The following VAV2 variants were observed in gnomAD, a reference collection of about 807,000 sequenced individuals.
VAV2 encodes the protein vav guanine nucleotide exchange factor 2, also known as guanine nucleotide exchange factor VAV2.
Under a neutral mutation model 132.5 loss-of-function variants are expected in VAV2, and 67 were observed. The observed-to-expected ratio is 0.51, with a 90% CI of 0.42 to 0.62. The LOEUF (loss-of-function observed/expected upper bound fraction) is 0.62, where lower values mean the gene tolerates loss of function less well. Among genes scored for constraint, VAV2 ranks in the 20% least tolerant of loss-of-function variants. The pLI, the probability that VAV2 is intolerant of heterozygous loss-of-function variation, is 0.00. For missense variants in VAV2, 938 were observed against 1,153.6 expected (o/e 0.81, Z 2.71); for synonymous variants, 492 against 443.5 (o/e 1.11, Z -1.37).
intron 3 of VAV2, among the ~76,000 whole-genome samples, chr9:133,837,712 T>TTA (rs1836526506): frequency 8.0e-6 from 1 of 124,668 alleles, no homozygotes; most frequent in African/African-American, 2.8e-5. Context: ...AAAAATAAAT[T>TTA]AAAAAAAAAA....
chr9:133,941,146 G>T (rs962455064), intron 1 of VAV2, among the ~76,000 whole-genome samples: 2 of 152,128 alleles, frequency 1.3e-5, no homozygotes, highest in East Asian at 1.9e-4. Flanking sequence ...AGCAGCTCAC[G>T]CCTGTAATCC....
intron 2 of VAV2, among the ~76,000 whole-genome samples, chr9:133,872,476 C>T (rs1838095222): frequency 1.3e-5 from 2 of 152,220 alleles, no homozygotes; most frequent in Admixed American, 1.3e-4. Context: ...CCCAGCTGCC[C>T]CAACCAGCAT....
intron 2 of VAV2, among the ~76,000 whole-genome samples, chr9:133,907,209 C>T (rs1354675397): frequency 1.3e-5 from 2 of 152,352 alleles, no homozygotes; most frequent in Middle Eastern, 3.4e-3. Flanking sequence ...GCGGCCCCAG[C>T]ACCTCAAATT....
chr9:133,801,764 G>A (rs1179535648), intron 9 of VAV2, among the ~76,000 whole-genome samples: 1 of 152,204 alleles, frequency 6.6e-6, no homozygotes, highest in Non-Finnish European at 1.5e-5. Flanking sequence ...CTCAGAAAAG[G>A]ACACAGAGAC....
intron 1 of VAV2, among the ~76,000 whole-genome samples, chr9:133,965,239 G>A (rs1271460566): frequency 2.6e-5 from 4 of 151,768 alleles, no homozygotes; most frequent in East Asian, 3.9e-4. Context: ...TCTAATCACC[G>A]CACATTGGGA....
At chr9:133,780,873 C>A (rs913800422) in intron 19 of VAV2, among the ~76,000 whole-genome samples, 163 bp from the exon 20 acceptor site, 3 of 152,222 alleles carry the variant, frequency 2.0e-5, no homozygotes, top group Non-Finnish European at 4.4e-5. Context: ...ACACACAGGT[C>A]CGAGCTCATG....
rs1838606117 is a variant in VAV2 at position 133,884,089 on chromosome 9, T to C, written c.322-22657A>G. Among the ~76,000 whole-genome samples the C allele has an allele frequency of 6.6e-6, 1 of 151,366 alleles. No individual in the cohort carries two copies. Among genetic ancestry groups the C allele is most frequent in the Non-Finnish European group, 1.5e-5 (1 of 67,856 alleles). On this transcript the variant is annotated intron_variant, in intron 2 of 29. Transcript: ENST00000371850. The surrounding 1 kb of genome is among the most constrained non-coding windows in gnomAD (Gnocchi z 5.3). ...GGCGGAGGTTGCAGCGAGGCGGAGG[T>C]TGCAGTGAGCTGAGATTGCGCCACT...
chr9:133,989,339 C>CA lies in VAV2; in HGVS notation c.204+2735dup, dbSNP rs34368097. Among the ~76,000 whole-genome samples the CA allele has an allele frequency of 1.7e-3, 186 of 107,200 alleles. 1 individual carries two copies. The highest frequency in any genetic ancestry group is 1.9e-3 in the African/African-American group (53 of 27,372). The allele number at this position is 107,200 out of a possible 152,430, so 70.3% of individuals were successfully genotyped here. On this transcript the variant is annotated intron_variant, in intron 1 of 29. Transcript: ENST00000371850. ...GGGCAACAAGAGCAAAACTCCATCT[C>CA]AAAAAAAAAAAAAAACAAAAAATAC...
At chr9:133,980,405 G>T (rs765910048) in intron 1 of VAV2, among the ~76,000 whole-genome samples, 1 of 152,186 alleles carries the variant, frequency 6.6e-6, no homozygotes, top group African/African-American at 2.4e-5. Flanking sequence ...CCAGTGCTGG[G>T]CGGTCCTGAA....
intron 1 of VAV2, among the ~76,000 whole-genome samples, chr9:133,981,411 G>A (rs537269798): frequency 2.0e-5 from 3 of 152,332 alleles, no homozygotes; most frequent in Admixed American, 6.5e-5. Flanking sequence ...GTAGTGAGGC[G>A]GCAGTCTCAG....
At chr9:133,807,583 G>A (rs1835200495) in intron 7 of VAV2, among the ~76,000 whole-genome samples, 1 of 152,232 alleles carries the variant, frequency 6.6e-6, no homozygotes, top group Non-Finnish European at 1.5e-5. Flanking sequence ...TCACACACAG[G>A]GTGGACTTGG....
In VAV2 at chr9:133,806,094, C is replaced by A. The variant is rs768260214; in HGVS notation, c.823G>T (p.Asp275Tyr). The change falls in exon 9 of 30, where the codon GAT becomes TAT. Residue 275 changes from aspartate (D) to tyrosine (Y), a missense_variant. Physicochemically the swap from Asp to Tyr is radical, Grantham distance 160. Coordinates refer to ENST00000371850, the MANE Select transcript of VAV2 (RefSeq NM_001134398.2). ...GCAGCCACTCACCTTTCCTTGAAAT[C>A]GAGGAAGACCTTGGCCAGCGTGCTG... ...GGSTLAKVFL[D>Y]FKERLLIYGE... is the part of the protein sequence containing the mutation. The A allele has an allele frequency of 6.2e-7, 1 of 1,612,786 alleles. No individual in the cohort carries two copies. Among genetic ancestry groups the A allele is most frequent in the Non-Finnish European group, 8.5e-7 (1 of 1,179,882 alleles).
chr9:133,922,248 C>A (rs755095349), intron 2 of VAV2, among the ~76,000 whole-genome samples: 1 of 152,262 alleles, frequency 6.6e-6, no homozygotes, highest in Non-Finnish European at 1.5e-5. Context: ...CTGGCTCTGT[C>A]ATAGCCGTGA....
At chr9:133,818,027 G>A (rs1015028497) in intron 4 of VAV2, among the ~76,000 whole-genome samples, 7 of 152,172 alleles carry the variant, frequency 4.6e-5, no homozygotes, top group Non-Finnish European at 5.9e-5. Flanking sequence ...TCACCAGTGC[G>A]GACAGGTGTC....
At chr9:133,929,099 T>A (rs1462860268) in intron 2 of VAV2, among the ~76,000 whole-genome samples, 4 of 152,120 alleles carry the variant, frequency 2.6e-5, no homozygotes, top group Non-Finnish European at 5.9e-5. Flanking sequence ...GATGGGGAAA[T>A]GACAGCTGCG....
chr9:133,787,169 C>G (rs369069842), intron 16 of VAV2, 77 bp downstream of exon 16: 5 of 1,440,052 alleles, frequency 3.5e-6, no homozygotes, highest in East Asian at 5.0e-5. Context: ...CCTGGGTCCC[C>G]TGGCTCCGGG....
At position 133,867,808 on chromosome 9, in the gene VAV2, TAAC is replaced by T. The variant is rs1837867002; in HGVS notation, c.322-6379_322-6377del. ...CCTCTAGCTGGACGACTGAGGATGC[TAAC>T]AACTGCCAGGAGAAATGGTCCAGTG... is the stretch of plus-strand genomic sequence containing the variant. On this transcript the variant is annotated intron_variant, in intron 2 of 29. Transcript: ENST00000371850. Among the ~76,000 whole-genome samples, 3 of 152,234 alleles carry T rather than the reference TAAC, an allele frequency of 2.0e-5. No homozygotes were observed. In the South Asian group the frequency reaches 6.2e-4, roughly 31 times the overall value.
intron 17 of VAV2, among the ~76,000 whole-genome samples, chr9:133,784,936 C>T (rs572291087): frequency 2.0e-5 from 3 of 152,108 alleles, no homozygotes; most frequent in African/African-American, 4.8e-5. Context: ...TTCACCATCA[C>T]GTCGCTTCAG....
At position 133,891,183 on chromosome 9, in the gene VAV2, G is replaced by A. The variant is rs888429186; in HGVS notation, c.322-29751C>T. Reference sequence around the variant, plus strand: ...AGGGTGCAGGGGGCTGCCAGGGCCCGGCACTCACGCCACCCTCAGGAACAC... The same window carrying A: ...AGGGTGCAGGGGGCTGCCAGGGCCCAGCACTCACGCCACCCTCAGGAACAC... On this transcript the variant is annotated intron_variant, in intron 2 of 29. Transcript: ENST00000371850. Among the ~76,000 whole-genome samples, 9 of 149,058 alleles carry A rather than the reference G, an allele frequency of 6.0e-5. No individual in the cohort carries two copies. The East Asian group carries it at 8.3e-4, about 14-fold the overall frequency.
Sources: gnomAD v4.1 joint callset for allele counts (sites outside exome capture counted in the v4.1 genomes callset) on GRCh38, gnomAD v4.1.1 for gene constraint, Gnocchi (gnomAD v3.1) non-coding constraint, MANE v1.5 for transcripts, NCBI Gene and HGNC (gene_info 2026-07-23, HGNC 2026-07-21) for gene names.